Variants in PNLIPRP3 observed in about 807,000 individuals in gnomAD.
PNLIPRP3 encodes the protein pancreatic lipase related protein 3.
A neutral mutation model predicts 52.8 loss-of-function variants in PNLIPRP3; 58 were observed. The ratio of observed to expected loss-of-function variants is 1.10; its 90% confidence interval spans 0.89 to 1.37. PNLIPRP3 has a LOEUF of 1.37. PNLIPRP3 is among the 40% of genes most tolerant of loss of function. The probability of loss-of-function intolerance (pLI) is 0.00; values close to 1 mark genes in which losing one functional copy is unlikely to be tolerated. For synonymous variants in PNLIPRP3, 192 were observed against 185.0 expected (o/e 1.04, Z -0.31); for missense variants, 593 against 561.6 (o/e 1.06, Z -0.57).
chr10:116,456,478 T>G (rs1846115140), intron 5 of PNLIPRP3, among the ~76,000 whole-genome samples: 1 of 152,202 alleles, frequency 6.6e-6, no homozygotes, highest in Admixed American at 6.5e-5. Flanking sequence ...ATATCAATTT[T>G]TAAAAGTTAT....
intron 1 of PNLIPRP3, among the ~76,000 whole-genome samples, chr10:116,429,047 T>C (rs1314071867): frequency 6.6e-6 from 1 of 152,096 alleles, no homozygotes; most frequent in Non-Finnish European, 1.5e-5. Flanking sequence ...GTTGTGCCAA[T>C]TAAATAAGAT....
At chr10:116,436,325 C>A (rs1446405191) in intron 1 of PNLIPRP3, among the ~76,000 whole-genome samples, 1 of 152,124 alleles carries the variant, frequency 6.6e-6, no homozygotes, top group Non-Finnish European at 1.5e-5. Context: ...GAACCCTTAC[C>A]TTATGCCATA....
chr10:116,459,142 C>T (rs1382375265), intron 5 of PNLIPRP3, among the ~76,000 whole-genome samples: 5 of 152,120 alleles, frequency 3.3e-5, no homozygotes, highest in Non-Finnish European at 7.4e-5. Context: ...GACTCCCTCT[C>T]TCCAGGCTAC....
chr10:116,459,757 A>G (rs2133142597), intron 5 of PNLIPRP3, among the ~76,000 whole-genome samples: 1 of 151,934 alleles, frequency 6.6e-6, no homozygotes, highest in South Asian at 2.1e-4. Flanking sequence ...TCAGATCTCT[A>G]CTAGTGTTTC....
rs569844363 is a variant in PNLIPRP3 at position 116,465,963 on chromosome 10, C to A, written c.809-87C>A. The A allele has an allele frequency of 1.9e-5, 18 of 953,600 alleles. No individual in the cohort carries two copies. In the African/African-American group the frequency reaches 2.9e-4, roughly 15 times the overall value. 59.1% of individuals were successfully genotyped at this position (953,600 alleles called of 1,614,324 possible). Reference sequence around the variant, plus strand: ...TGGCCCTCCCAACTCAAGAAGACTGCCACTTACAGTTACTGTTTCTAAGAT... The same window carrying A: ...TGGCCCTCCCAACTCAAGAAGACTGACACTTACAGTTACTGTTTCTAAGAT... On this transcript the variant is annotated intron_variant, in intron 7 of 11. Transcript: ENST00000369230.
chr10:116,431,308 T>A (rs2133107395), intron 1 of PNLIPRP3, among the ~76,000 whole-genome samples: 1 of 152,258 alleles, frequency 6.6e-6, no homozygotes, highest in Middle Eastern at 3.4e-3. Context: ...TCCAGTGGCT[T>A]CCCATCTCAC....
chr10:116,438,992 A>C (rs1310677096), intron 2 of PNLIPRP3, among the ~76,000 whole-genome samples: 1 of 152,222 alleles, frequency 6.6e-6, no homozygotes, highest in African/African-American at 2.4e-5. Flanking sequence ...AAAAGGACAA[A>C]TAATCTATGG....
In PNLIPRP3 at chr10:116,446,007, A is replaced by G. The variant is rs551393133; in HGVS notation, c.456+1494A>G. Among the ~76,000 whole-genome samples the G allele has an allele frequency of 2.6e-5, 4 of 152,238 alleles. No homozygotes were observed. In the South Asian group the frequency reaches 8.3e-4, roughly 32 times the overall value. On this transcript the variant is annotated intron_variant, in intron 4 of 11. Coordinates refer to ENST00000369230, the MANE Select transcript of PNLIPRP3 (RefSeq NM_001011709.3). ...ATAAGGGCTGAGAGTGATCTCAAAT[A>G]CCAACCTATATAAGGAGATAGGAAA...
chr10:116,442,476 T>C (rs1206122093), intron 2 of PNLIPRP3, among the ~76,000 whole-genome samples: 1 of 152,214 alleles, frequency 6.6e-6, no homozygotes, highest in African/African-American at 2.4e-5. Context: ...ACTGAAACTA[T>C]GATTTAAACT....
rs140277168 is a variant in PNLIPRP3 at position 116,466,177 on chromosome 10, A to C, written c.927+9A>C. On this transcript the variant is annotated intron_variant, in intron 8 of 11. Coordinates refer to ENST00000369230, the MANE Select transcript of PNLIPRP3 (RefSeq NM_001011709.3). The stretch of plus-strand genomic sequence containing the variant: ...ACACATCTTTTAAAGCAGTAAGTAA[A>C]TCATCTTACTTGGAATTTAATTATA... 1 of 1,545,940 alleles carries C rather than the reference A, an allele frequency of 6.5e-7. No individual in the cohort carries two copies. The highest frequency in any genetic ancestry group is 1.4e-5 in the African/African-American group (1 of 73,020).
chr10:116,441,344 C>A (rs1845855158), intron 2 of PNLIPRP3, among the ~76,000 whole-genome samples: 1 of 152,108 alleles, frequency 6.6e-6, no homozygotes, highest in South Asian at 2.1e-4. Flanking sequence ...GATGCTCAGA[C>A]CCCACAATGC....
At chr10:116,435,080 A>C (rs1845756255) in intron 1 of PNLIPRP3, among the ~76,000 whole-genome samples, 1 of 152,172 alleles carries the variant, frequency 6.6e-6, no homozygotes, top group Admixed American at 6.6e-5. Flanking sequence ...TGAACAATGG[A>C]AGTGCAGTAA....
At chr10:116,457,241 G>T (rs895234613) in intron 5 of PNLIPRP3, among the ~76,000 whole-genome samples, 2 of 152,062 alleles carry the variant, frequency 1.3e-5, no homozygotes, top group African/African-American at 4.8e-5. Context: ...TATAATTATG[G>T]ATGAGCCTGT....
At chr10:116,436,563 C>T (rs1200955488) in intron 1 of PNLIPRP3, 148 bp from the exon 2 acceptor site, 1 of 779,094 alleles carries the variant, frequency 1.3e-6, no homozygotes, top group Non-Finnish European at 1.9e-6. Context: ...AAAAGGCAAC[C>T]CTATAGAATA....
intron 4 of PNLIPRP3, among the ~76,000 whole-genome samples, chr10:116,453,396 T>A (rs995531168): frequency 2.0e-5 from 3 of 152,064 alleles, no homozygotes; most frequent in African/African-American, 7.2e-5. Flanking sequence ...CTAGAATGAT[T>A]AATATGTTGG....
chr10:116,472,945 C>T (rs1846398770), intron 10 of PNLIPRP3, among the ~76,000 whole-genome samples: 1 of 152,220 alleles, frequency 6.6e-6, no homozygotes, highest in South Asian at 2.1e-4. Context: ...TCAAGCCTCC[C>T]TCTGAGAGCA....
chr10:116,477,028 G>T (rs372176276), intron 11 of PNLIPRP3, 62 bp from the exon 12 acceptor site: 30 of 1,374,994 alleles, frequency 2.2e-5, no homozygotes, highest in Non-Finnish European at 2.8e-5. Context: ...GGGATCTACC[G>T]TGTCTTTTTC....
chr10:116,476,171 CA>C (rs749067152), intron 10 of PNLIPRP3, among the ~76,000 whole-genome samples: 5 of 152,146 alleles, frequency 3.3e-5, no homozygotes, highest in Admixed American at 6.5e-5. Flanking sequence ...TTTAGTTACC[CA>C]ATTCCTTTTA....
chr10:116,433,785 C>T (rs974217793), intron 1 of PNLIPRP3, among the ~76,000 whole-genome samples: 2 of 151,690 alleles, frequency 1.3e-5, no homozygotes, highest in Middle Eastern at 3.2e-3. Flanking sequence ...TTGGATCCTG[C>T]AATGCAGAAG....
Sources: allele counts gnomAD v4.1 joint callset (sites outside exome capture counted in the v4.1 genomes callset), GRCh38; gene constraint gnomAD v4.1.1; transcripts MANE v1.5; gene names NCBI Gene and HGNC (gene_info 2026-07-23, HGNC 2026-07-21).